The following ZBTB20 variants were observed in gnomAD, a reference collection of about 807,000 sequenced individuals.
The protein encoded by ZBTB20 is zinc finger and BTB domain containing 20.
Under a neutral mutation model 56.9 loss-of-function variants are expected in ZBTB20, and 9 were observed. The observed-to-expected ratio is 0.16, with a 90% CI of 0.10 to 0.28. The LOEUF is 0.28. Among genes scored for constraint, ZBTB20 ranks in the 10% least tolerant of loss-of-function variants. The pLI is 1.00. For missense variants in ZBTB20, 655 were observed against 1,003.0 expected (o/e 0.65, Z 4.69); for synonymous variants, 417 against 420.7 (o/e 0.99, Z 0.11).
chr3:114,916,903 C>T (rs764442784), intron 3 of ZBTB20, among the ~76,000 whole-genome samples: 12 of 151,996 alleles, frequency 7.9e-5, no homozygotes, highest in Non-Finnish European at 1.5e-4. Context: ...GTTCTTTAAC[C>T]TTCTTGTGCT....
At chr3:114,556,777 G>A (rs1346786640) in intron 6 of ZBTB20, among the ~76,000 whole-genome samples, 1 of 151,982 alleles carries the variant, frequency 6.6e-6, no homozygotes, top group East Asian at 1.9e-4. Context: ...TTCCTGAGAA[G>A]AGAAATTTAC....
At chr3:114,748,289 T>G (rs1266173661) in intron 5 of ZBTB20, among the ~76,000 whole-genome samples, 3 of 124,200 alleles carry the variant, frequency 2.4e-5, no homozygotes, top group African/African-American at 3.1e-5. Context: ...CTTCTTTCTT[T>G]CTTTCTTTCT....
rs1028641083 is a variant in ZBTB20, at chr3:114,568,327, C to T, written c.-294-67936G>A. On this transcript the variant is annotated intron_variant, in intron 6 of 11. Coordinates refer to ENST00000675478, the MANE Select transcript of ZBTB20 (RefSeq NM_001348800.3). ...AAGATTCTTCCATCAATGCAAAGAG[C>T]TAAGTTTGGAAACCTAAAACCATGT... Among the ~76,000 whole-genome samples, 4 of 152,178 alleles carry T rather than the reference C, an allele frequency of 2.6e-5. No homozygotes were observed. The South Asian group carries it at 8.3e-4, about 32-fold the overall frequency.
At chr3:114,342,415 G>A (rs553875866) in intron 11 of ZBTB20, among the ~76,000 whole-genome samples, 1 of 152,182 alleles carries the variant, frequency 6.6e-6, no homozygotes, top group East Asian at 1.9e-4. Flanking sequence ...GGGACACAAA[G>A]TAAAAAGTGG....
intron 7 of ZBTB20, among the ~76,000 whole-genome samples, chr3:114,415,998 T>C (rs2088508190): frequency 6.6e-6 from 1 of 152,090 alleles, no homozygotes; most frequent in Non-Finnish European, 1.5e-5. Flanking sequence ...AAATTACAGA[T>C]ATTTTTTTCC....
chr3:114,314,634 A>C lies in ZBTB20; in HGVS notation c.*24371T>G, dbSNP rs955834426. The stretch of plus-strand genomic sequence containing the variant: ...TTAAAAAAAAAACAACAAAAACCCC[A>C]AAAAAACAAACATCATTCTTAGCAA... On this transcript the variant is annotated 3_prime_UTR_variant, in exon 12 of 12. Transcript: ENST00000675478. 2.5e-4 allele frequency: 38 copies of C among 151,746 alleles called. No homozygotes were observed. Among genetic ancestry groups the C allele is most frequent in the African/African-American group, 6.3e-4 (26 of 41,362 alleles). 9.4% of individuals were successfully genotyped at this position (151,746 alleles called of 1,614,324 possible).
intron 6 of ZBTB20, among the ~76,000 whole-genome samples, chr3:114,602,754 T>C (rs938431820): frequency 2.0e-5 from 3 of 151,992 alleles, no homozygotes; most frequent in African/African-American, 4.8e-5. Flanking sequence ...AAGGCTTCTG[T>C]ATAAAACTCC....
chr3:114,980,948 T>C (rs544036794), intron 2 of ZBTB20, among the ~76,000 whole-genome samples: 19 of 152,122 alleles, frequency 1.2e-4, no homozygotes, highest in Admixed American at 1.1e-3. Flanking sequence ...AAATATAAGA[T>C]GTTCTACTAG....
intron 4 of ZBTB20, among the ~76,000 whole-genome samples, chr3:114,844,540 A>AAAAAAC (rs1560313293): frequency 2.1e-5 from 3 of 142,114 alleles, no homozygotes; most frequent in Non-Finnish European, 4.6e-5. Flanking sequence ...AAAAAAAAAA[A>AAAAAAC]AAAAAAAAAA....
At chr3:114,539,792 C>T (rs1418366280) in intron 6 of ZBTB20, among the ~76,000 whole-genome samples, 2 of 152,040 alleles carry the variant, frequency 1.3e-5, no homozygotes, top group Admixed American at 6.6e-5. Flanking sequence ...AAAAATGATT[C>T]ATCCATCTTT....
intron 6 of ZBTB20, among the ~76,000 whole-genome samples, chr3:114,672,072 T>C (rs1435681040): frequency 6.6e-6 from 1 of 152,076 alleles, no homozygotes; most frequent in Non-Finnish European, 1.5e-5. Flanking sequence ...TTTCCTATAA[T>C]GCCTTGTCCC....
At chr3:114,957,898 A>T (rs753925563) in intron 3 of ZBTB20, among the ~76,000 whole-genome samples, 25 of 152,188 alleles carry the variant, frequency 1.6e-4, no homozygotes, top group African/African-American at 5.8e-4. Context: ...CCAGCTACTT[A>T]TTCTGCAAAT....
intron 5 of ZBTB20, among the ~76,000 whole-genome samples, chr3:114,749,622 A>AGGAAG (rs1560204637): frequency 6.7e-6 from 1 of 150,050 alleles, no homozygotes; most frequent in Non-Finnish European, 1.5e-5. Context: ...GAAGGAAGGA[A>AGGAAG]TAAATTGGCT....
At chr3:114,935,955 A>C (rs2076520201) in intron 3 of ZBTB20, among the ~76,000 whole-genome samples, 1 of 152,158 alleles carries the variant, frequency 6.6e-6, no homozygotes, top group East Asian at 1.9e-4. Flanking sequence ...CCTCAAAATC[A>C]GAGAAAGGGG....
At chr3:114,778,704 C>G (rs1168345941) in intron 5 of ZBTB20, among the ~76,000 whole-genome samples, 1 of 152,144 alleles carries the variant, frequency 6.6e-6, no homozygotes. Flanking sequence ...TGGCTGCGTT[C>G]TCTAGTACCT....
At chr3:114,980,686 T>C (rs951066432) in intron 2 of ZBTB20, among the ~76,000 whole-genome samples, 8 of 151,844 alleles carry the variant, frequency 5.3e-5, no homozygotes, top group African/African-American at 9.7e-5. Context: ...CCATAAGAAA[T>C]GTATAATTAT....
chr3:114,968,024 C>T (rs1354749852), intron 3 of ZBTB20, among the ~76,000 whole-genome samples: 11 of 151,388 alleles, frequency 7.3e-5, no homozygotes, highest in Admixed American at 6.6e-4. Flanking sequence ...TTAGTGTTAA[C>T]TCACAAGCTA....
In ZBTB20 at chr3:114,325,891, A is replaced by T. The variant is rs1007047300; in HGVS notation, c.*13114T>A. 2.6e-5 allele frequency: 4 copies of T among 152,092 alleles called. No homozygotes were observed. The highest frequency in any genetic ancestry group is 4.4e-5 in the Non-Finnish European group (3 of 68,010). 9.4% of individuals were successfully genotyped at this position (152,092 alleles called of 1,614,324 possible). On this transcript the variant is annotated 3_prime_UTR_variant, in exon 12 of 12. Transcript: ENST00000675478. ...TTCCTTTTTTAAAAAAATAGTTTCT[A>T]ATTTGTTTTTTCCTTCTTTTGTGGT...
chr3:115,036,425 G>A (rs1346718116), intron 2 of ZBTB20, among the ~76,000 whole-genome samples: 1 of 151,516 alleles, frequency 6.6e-6, no homozygotes, highest in African/African-American at 2.4e-5. Flanking sequence ...TCAGCCTCCC[G>A]ACTAGCTGGG....
Sources: gnomAD v4.1 joint callset for allele counts (sites outside exome capture counted in the v4.1 genomes callset) on GRCh38, gnomAD v4.1.1 for gene constraint, MANE v1.5 for transcripts, NCBI Gene and HGNC (gene_info 2026-07-23, HGNC 2026-07-21) for gene names.